The following RILPL1 variants were observed in gnomAD, a reference collection of about 807,000 sequenced individuals.
The protein encoded by RILPL1 is RILP-like protein 1.
RILPL1 carries 33 observed loss-of-function variants against 50.3 expected under a neutral mutation model. That is an observed-to-expected ratio of 0.66 (90% CI 0.50 to 0.88). The LOEUF (loss-of-function observed/expected upper bound fraction) is 0.88, where lower values mean the gene tolerates loss of function less well. Among genes scored for constraint, RILPL1 ranks in the 40% least tolerant of loss-of-function variants. The pLI, the probability that RILPL1 is intolerant of heterozygous loss-of-function variation, is 0.00. For synonymous variants in RILPL1, 205 were observed against 228.6 expected, an observed-to-expected ratio of 0.90 and a Z score of 0.93; for missense variants, 418 against 542.5, an observed-to-expected ratio of 0.77 and a Z score of 2.28.
At position 123,485,516 on chromosome 12, in the gene RILPL1, CAAAA is replaced by C; in HGVS notation, c.974+113_974+116del. On this transcript the variant is annotated intron_variant, in intron 5 of 6. Coordinates refer to ENST00000376874, the MANE Select transcript of RILPL1 (RefSeq NM_178314.5). The surrounding 1 kb of genome is among the most constrained non-coding windows in gnomAD (Gnocchi z 4.0). ...AGTTCTTTAGGCCAGAGAGGGTACCCAAAAAAAACACTGATGAAATGCTTGTCTT... is the reference window on the plus strand; with the variant it reads ...AGTTCTTTAGGCCAGAGAGGGTACCCAAAACACTGATGAAATGCTTGTCTT... The C allele has an allele frequency of 3.1e-6, 3 of 980,800 alleles. No individual in the cohort carries two copies. The highest frequency in any genetic ancestry group is 4.5e-6 in the Non-Finnish European group (3 of 660,870). The allele number at this position is 980,800 out of a possible 1,614,324, so 60.8% of individuals were successfully genotyped here.
intron 2 of RILPL1, among the ~76,000 whole-genome samples, chr12:123,520,277 G>T (rs1264936565): frequency 6.6e-6 from 1 of 152,226 alleles, no homozygotes; most frequent in Non-Finnish European, 1.5e-5. Context: ...GAAAAGGCAA[G>T]GCTGGGAGTG....
rs1188311421 is a variant in RILPL1 at position 123,471,772 on chromosome 12, G to A, written c.*766C>T. 1 of 152,400 alleles carries A rather than the reference G, an allele frequency of 6.6e-6. No homozygotes were observed. The highest frequency in any genetic ancestry group is 1.5e-5 in the Non-Finnish European group (1 of 67,992). 9.4% of individuals were successfully genotyped at this position (152,400 alleles called of 1,614,324 possible). On this transcript the variant is annotated 3_prime_UTR_variant, in exon 7 of 7. Coordinates refer to ENST00000376874, the MANE Select transcript of RILPL1 (RefSeq NM_178314.5). Reference sequence around the variant, plus strand: ...GTATATGACTTAATGAATCCTAAAAGGAAAAAAAGATGTCAGGAAAAAAAA... The same window carrying A: ...GTATATGACTTAATGAATCCTAAAAAGAAAAAAAGATGTCAGGAAAAAAAA...
chr12:123,516,031 C>T (rs1884668828), intron 2 of RILPL1, among the ~76,000 whole-genome samples: 1 of 57,042 alleles, frequency 1.8e-5, no homozygotes, highest in Non-Finnish European at 3.0e-5. Context: ...GAGACTCTGT[C>T]TCAAAAAAAA....
intron 2 of RILPL1, among the ~76,000 whole-genome samples, chr12:123,514,809 A>G (rs959590844): frequency 2.7e-4 from 41 of 152,270 alleles, no homozygotes; most frequent in African/African-American, 9.6e-4. Context: ...GATATACTAC[A>G]TGCTACTGAA....
intron 2 of RILPL1, among the ~76,000 whole-genome samples, chr12:123,506,395 G>C (rs1883754250): frequency 6.6e-6 from 1 of 152,208 alleles, no homozygotes; most frequent in African/African-American, 2.4e-5. Context: ...AGGGACAACA[G>C]GAGCCTCAGG....
rs753388206 is a variant in RILPL1, at chr12:123,498,707, G to A, written c.638C>T (p.Thr213Met). 26 of 1,613,432 alleles carry A rather than the reference G, an allele frequency of 1.6e-5. No homozygotes were observed. The highest frequency in any genetic ancestry group is 5.3e-5 in the African/African-American group (4 of 74,890). ...KINHDLRHRV[T>M]VVEAQGKALI... ...GGCTTTCCCCTGGGCCTCCACCACC[G>A]TGACCCGGTGCCGAAGGTCATGGTT... The change falls in exon 4 of 7, where the codon ACG (threonine) becomes ATG (methionine). Residue 213 changes from threonine (T) to methionine (M), a missense_variant. Coordinates refer to ENST00000376874, the MANE Select transcript of RILPL1 (RefSeq NM_178314.5). The surrounding 1 kb of genome is among the most constrained non-coding windows in gnomAD (Gnocchi z 4.3).
intron 2 of RILPL1, among the ~76,000 whole-genome samples, chr12:123,502,558 G>A (rs142952999): frequency 6.9e-4 from 105 of 151,404 alleles, no homozygotes; most frequent in African/African-American, 2.5e-3. Context: ...GGCGGGTGAG[G>A]CCCACCCCTC....
rs1882713046 is a variant in RILPL1 at position 123,491,912 on chromosome 12, C to A, written c.802-6107G>T. Among the ~76,000 whole-genome samples the A allele has an allele frequency of 6.6e-6, 1 of 151,990 alleles. No homozygotes were observed. The highest frequency in any genetic ancestry group is 2.4e-5 in the African/African-American group (1 of 41,366). On this transcript the variant is annotated intron_variant, in intron 4 of 6. Coordinates refer to ENST00000376874, the MANE Select transcript of RILPL1 (RefSeq NM_178314.5). The surrounding 1 kb of genome is among the most constrained non-coding windows in gnomAD (Gnocchi z 4.0). ...ATCCCAGCTACTCGGGAGGCTGAGGCACAAGAATTGCTTGAACCCAGGAGG... is the reference window on the plus strand; with the variant it reads ...ATCCCAGCTACTCGGGAGGCTGAGGAACAAGAATTGCTTGAACCCAGGAGG...
chr12:123,512,235 G>T (rs1362945687), intron 2 of RILPL1, among the ~76,000 whole-genome samples: 1 of 140,874 alleles, frequency 7.1e-6, no homozygotes, highest in Non-Finnish European at 1.5e-5. Flanking sequence ...TGTGTGTGTG[G>T]TGTGTGCAGT....
chr12:123,511,126 G>GCC (rs1165727278), intron 2 of RILPL1, among the ~76,000 whole-genome samples: 1 of 7,110 alleles, frequency 1.4e-4, no homozygotes, highest in African/African-American at 2.8e-4. Flanking sequence ...GGTGTGTGAG[G>GCC]TCTATGTGTG....
chr12:123,520,877 T>G (rs909497588), intron 2 of RILPL1, among the ~76,000 whole-genome samples: 1 of 152,120 alleles, frequency 6.6e-6, no homozygotes, highest in Admixed American at 6.5e-5. Context: ...CCACGGCGGA[T>G]CAATCCATGG....
chr12:123,490,590 C>CT (rs1007945084), intron 4 of RILPL1, among the ~76,000 whole-genome samples: 26 of 149,110 alleles, frequency 1.7e-4, no homozygotes, highest in East Asian at 1.6e-3. Context: ...TCCTTACTCT[C>CT]TTTTTTTTTT....
At chr12:123,478,954 T>C (rs773383036) in intron 6 of RILPL1, among the ~76,000 whole-genome samples, 79 of 152,204 alleles carry the variant, frequency 5.2e-4, no homozygotes, top group Admixed American at 3.1e-3. Context: ...AAACTATTCT[T>C]GGAACATCTT....
chr12:123,494,055 G>T (rs1463021155), intron 4 of RILPL1, among the ~76,000 whole-genome samples: 1 of 152,076 alleles, frequency 6.6e-6, no homozygotes, highest in Non-Finnish European at 1.5e-5. Flanking sequence ...CAAGTGCTGG[G>T]ATTACAGGTG....
At chr12:123,492,107 C>CA (rs1882729427) in intron 4 of RILPL1, among the ~76,000 whole-genome samples, 1 of 151,868 alleles carries the variant, frequency 6.6e-6, no homozygotes, top group Admixed American at 6.6e-5. Context: ...AACCCTGTCT[C>CA]TACTAAAAAT....
chr12:123,495,528 C>T (rs979053726), intron 4 of RILPL1, among the ~76,000 whole-genome samples: 2 of 150,752 alleles, frequency 1.3e-5, no homozygotes, highest in Non-Finnish European at 3.0e-5. Context: ...GTGTCCACCA[C>T]CATGCCTGGA....
intron 4 of RILPL1, among the ~76,000 whole-genome samples, chr12:123,490,750 C>CTT (rs36045938): frequency 3.5e-4 from 46 of 132,792 alleles, no homozygotes; most frequent in African/African-American, 3.7e-4. Flanking sequence ...AAAGTCCTGA[C>CTT]TTTTTTTTTT....
At chr12:123,494,665 C>T (rs1350168629) in intron 4 of RILPL1, among the ~76,000 whole-genome samples, 4 of 152,146 alleles carry the variant, frequency 2.6e-5, no homozygotes, top group African/African-American at 9.7e-5. Flanking sequence ...GGCGACCGCA[C>T]CACCCTCAGC....
At chr12:123,509,946 A>T (rs1423130208) in intron 2 of RILPL1, among the ~76,000 whole-genome samples, 1 of 152,232 alleles carries the variant, frequency 6.6e-6, no homozygotes, top group African/African-American at 2.4e-5. Context: ...AGATGAGGAC[A>T]GCCAGTCCCT....
Sources: gnomAD v4.1 joint callset for allele counts (sites outside exome capture counted in the v4.1 genomes callset) on GRCh38, gnomAD v4.1.1 for gene constraint, Gnocchi (gnomAD v3.1) non-coding constraint, MANE v1.5 for transcripts, NCBI Gene and HGNC (gene_info 2026-07-23, HGNC 2026-07-21) for gene names.